The following CDK13 variants were observed in gnomAD, a reference collection of about 807,000 sequenced individuals.
The protein encoded by CDK13 is cyclin-dependent kinase 13.
Under a neutral mutation model 137.6 loss-of-function variants are expected in CDK13, and 40 were observed. That is an observed-to-expected ratio of 0.29 (90% CI 0.23 to 0.38). The LOEUF (loss-of-function observed/expected upper bound fraction) is 0.38. CDK13 is among the 10% of genes least tolerant of loss of function. The pLI, the probability that CDK13 is intolerant of heterozygous loss-of-function variation, is 1.00. For missense variants in CDK13, 1,704 were observed against 1,951.8 expected (o/e 0.87, Z 2.39); for synonymous variants, 869 against 760.1 (o/e 1.14, Z -2.36).
At chr7:40,020,254 G>A (rs957155787) in intron 5 of CDK13, among the ~76,000 whole-genome samples, 11 of 151,954 alleles carry the variant, frequency 7.2e-5, no homozygotes, top group African/African-American at 2.7e-4. Flanking sequence ...TTTCAGTAGA[G>A]ATGGGGTTTC....
intron 5 of CDK13, among the ~76,000 whole-genome samples, chr7:40,022,171 T>C (rs943731157): frequency 1.3e-5 from 2 of 152,214 alleles, no homozygotes; most frequent in African/African-American, 4.8e-5. Flanking sequence ...GGGCCTCTTT[T>C]TGGTGTAAAC....
At chr7:40,064,092 C>T (rs1005950660) in intron 9 of CDK13, among the ~76,000 whole-genome samples, 16 of 151,924 alleles carry the variant, frequency 1.1e-4, no homozygotes, top group Non-Finnish European at 1.9e-4. Flanking sequence ...TGAGACCAGC[C>T]TGACCAACAT....
intron 7 of CDK13, among the ~76,000 whole-genome samples, chr7:40,053,525 G>A (rs1167909803): frequency 1.3e-5 from 2 of 152,048 alleles, no homozygotes; most frequent in East Asian, 3.8e-4. Flanking sequence ...GCTCTTGAAT[G>A]CCTTTGTGAA....
chr7:39,968,536 C>G (rs749529102), intron 1 of CDK13, among the ~76,000 whole-genome samples: 2 of 152,230 alleles, frequency 1.3e-5, no homozygotes, highest in Non-Finnish European at 2.9e-5. Flanking sequence ...CTGTGCCTCA[C>G]TCCCATCACC....
intron 7 of CDK13, among the ~76,000 whole-genome samples, chr7:40,053,814 G>A (rs942417516): frequency 6.6e-6 from 1 of 150,558 alleles, no homozygotes; most frequent in African/African-American, 2.4e-5. Context: ...ACTAACGTTT[G>A]TGTACATCAC....
intron 5 of CDK13, among the ~76,000 whole-genome samples, chr7:40,033,546 G>C (rs1470451331): frequency 6.6e-6 from 1 of 152,158 alleles, no homozygotes; most frequent in Non-Finnish European, 1.5e-5. Flanking sequence ...ATCTGGCTAG[G>C]GGTTAGGCTA....
At chr7:40,085,777 G>T (rs1330683218) in intron 11 of CDK13, 1 of 152,544 alleles carries the variant, frequency 6.6e-6, no homozygotes, top group Non-Finnish European at 1.5e-5. Flanking sequence ...TGGACCTCAG[G>T]TGCATAGACT....
At chr7:39,991,711 T>C (rs1013562419) in intron 2 of CDK13, among the ~76,000 whole-genome samples, 1 of 152,138 alleles carries the variant, frequency 6.6e-6, no homozygotes, top group Non-Finnish European at 1.5e-5. Context: ...ATGGAAGTTA[T>C]CCATCTAGAT....
At chr7:39,990,792 T>A (rs1264158311) in intron 2 of CDK13, among the ~76,000 whole-genome samples, 1 of 152,246 alleles carries the variant, frequency 6.6e-6, no homozygotes, top group African/African-American at 2.4e-5. Context: ...TTGTAAAGAT[T>A]AAATTAGTTG....
chr7:40,043,414 C>G (rs760802040), intron 5 of CDK13, among the ~76,000 whole-genome samples: 1 of 152,156 alleles, frequency 6.6e-6, no homozygotes, highest in Admixed American at 6.5e-5. Flanking sequence ...GGCTAGTACT[C>G]TGGTTTGTTT....
intron 1 of CDK13, among the ~76,000 whole-genome samples, chr7:39,973,760 G>A (rs1416606978): frequency 1.3e-5 from 2 of 152,102 alleles, no homozygotes; most frequent in African/African-American, 4.8e-5. Context: ...TTAGTTTTTT[G>A]TATGGTGAAA....
At chr7:40,058,229 G>A (rs946086469) in intron 7 of CDK13, among the ~76,000 whole-genome samples, 2 of 152,148 alleles carry the variant, frequency 1.3e-5, no homozygotes, top group Non-Finnish European at 2.9e-5. Context: ...AAGGTCAAAG[G>A]TTGCCCAGTG....
intron 12 of CDK13, among the ~76,000 whole-genome samples, chr7:40,090,983 G>A (rs1237206344): frequency 6.6e-6 from 1 of 151,928 alleles, no homozygotes; most frequent in Non-Finnish European, 1.5e-5. Flanking sequence ...GGCCGAGGTG[G>A]ATGGATCACC....
Position 40,089,723 on chromosome 7 carries a change from A to AGTGTGT in CDK13, c.3235+1419_3235+1424dup, listed in dbSNP as rs142023627. 3.6e-3 allele frequency among the ~76,000 whole-genome samples: 445 copies of AGTGTGT among 125,216 alleles called. 1 individual carries two copies. Among genetic ancestry groups the AGTGTGT allele is most frequent in the Middle Eastern group, 8.1e-3 (2 of 248 alleles). The allele number at this position is 125,216 out of a possible 152,430, so 82.1% of individuals were successfully genotyped here. ...TAGAGAGAGAGAGAGAGAGAGAGAG[A>AGTGTGT]GTGTGTGTGTGTGTGTGTGTGTGTG... On this transcript the variant is annotated intron_variant, in intron 12 of 13. Coordinates refer to ENST00000181839, the MANE Select transcript of CDK13 (RefSeq NM_003718.5).
chr7:40,035,903 C>T (rs776579902), intron 5 of CDK13, among the ~76,000 whole-genome samples: 2 of 151,840 alleles, frequency 1.3e-5, no homozygotes. Flanking sequence ...GGCTTCCACC[C>T]GTAATCCAGC....
intron 5 of CDK13, among the ~76,000 whole-genome samples, chr7:40,035,910 C>T (rs538567620): frequency 1.3e-5 from 2 of 152,058 alleles, no homozygotes; most frequent in South Asian, 4.2e-4. Context: ...ACCCGTAATC[C>T]AGCACTTTGG....
chr7:40,066,167 C>T (rs183653643), intron 9 of CDK13, among the ~76,000 whole-genome samples: 13 of 152,278 alleles, frequency 8.5e-5, no homozygotes, highest in Admixed American at 6.5e-4. Context: ...ATGACACCAC[C>T]GCATTCCAGC....
chr7:40,022,244 T>C (rs1020214252), intron 5 of CDK13, among the ~76,000 whole-genome samples: 12 of 152,226 alleles, frequency 7.9e-5, no homozygotes, highest in African/African-American at 2.9e-4. Flanking sequence ...CTTTCTCTTT[T>C]GCCATTTCAG....
intron 2 of CDK13, among the ~76,000 whole-genome samples, chr7:39,993,519 C>G (rs965772119): frequency 6.6e-6 from 1 of 152,084 alleles, no homozygotes; most frequent in East Asian, 1.9e-4. Flanking sequence ...TGTTTTCCCA[C>G]AAAATCATGA....
Sources: gnomAD v4.1 joint callset for allele counts (sites outside exome capture counted in the v4.1 genomes callset) on GRCh38, gnomAD v4.1.1 for gene constraint, MANE v1.5 for transcripts, NCBI Gene and HGNC (gene_info 2026-07-23, HGNC 2026-07-21) for gene names.